HECW2: variants seen among roughly 807,000 people sequenced by gnomAD.
HECW2 encodes the protein HECT, C2 and WW domain containing E3 ubiquitin protein ligase 2, also known as E3 ubiquitin-protein ligase HECW2.
HECW2 carries 61 observed loss-of-function variants against 175.2 expected under a neutral mutation model. The ratio of observed to expected loss-of-function variants is 0.35; its 90% CI spans 0.28 to 0.43. The LOEUF (loss-of-function observed/expected upper bound fraction) is 0.43. Among genes scored for constraint, HECW2 ranks in the 20% least tolerant of loss-of-function variants. HECW2 has a pLI of 1.00. For synonymous variants in HECW2, 671 were observed against 731.0 expected (o/e 0.92, Z 1.32); for missense variants, 1,524 against 2,000.5 (o/e 0.76, Z 4.54).
intron 5 of HECW2, 47 bp downstream of exon 5, chr2:196,329,528 A>T: frequency 6.7e-7 from 1 of 1,502,262 alleles, no homozygotes; most frequent in Non-Finnish European, 9.3e-7. Context: ...CATACCTTCG[A>T]AACTGTACAC....
At chr2:196,337,588 A>T (rs1010858224) in intron 3 of HECW2, among the ~76,000 whole-genome samples, 3 of 150,660 alleles carry the variant, frequency 2.0e-5, no homozygotes, top group African/African-American at 4.9e-5. Context: ...TATATATATA[A>T]AATATATATT....
intron 2 of HECW2, among the ~76,000 whole-genome samples, chr2:196,362,608 T>C (rs7598234): frequency 0.014 from 2,152 of 152,344 alleles, 57 homozygotes; most frequent in African/African-American, 0.049. Flanking sequence ...CTAAAGCTTT[T>C]TCAAACGTAA....
intron 1 of HECW2, among the ~76,000 whole-genome samples, chr2:196,461,023 G>C (rs972315245): frequency 6.6e-6 from 1 of 152,070 alleles, no homozygotes; most frequent in African/African-American, 2.4e-5. Context: ...TAATGATGAT[G>C]TTGGCCCAAC....
chr2:196,292,467 A>G, intron 14 of HECW2, 98 bp downstream of exon 14: 2 of 997,764 alleles, frequency 2.0e-6, no homozygotes, highest in Non-Finnish European at 3.0e-6. Flanking sequence ...TCACCTCACA[A>G]AGAGCCTTGG....
chr2:196,448,888 A>G (rs1299660736), intron 1 of HECW2, among the ~76,000 whole-genome samples: 1 of 152,140 alleles, frequency 6.6e-6, no homozygotes, highest in Non-Finnish European at 1.5e-5. Context: ...TACAAATCAC[A>G]TCCTTTTTGC....
At chr2:196,590,329 C>G (rs1559191926) in intron 1 of HECW2, among the ~76,000 whole-genome samples, 1 of 152,246 alleles carries the variant, frequency 6.6e-6, no homozygotes, top group Non-Finnish European at 1.5e-5. Context: ...GAAGCAACCT[C>G]TGCCTCTGTT....
chr2:196,576,085 A>C (rs1160122076), intron 1 of HECW2, among the ~76,000 whole-genome samples: 1 of 152,128 alleles, frequency 6.6e-6, no homozygotes, highest in Non-Finnish European at 1.5e-5. Context: ...TATTTTTACT[A>C]TACCTTTTCA....
intron 1 of HECW2, among the ~76,000 whole-genome samples, chr2:196,560,965 T>G (rs1454688752): frequency 6.6e-6 from 1 of 152,138 alleles, no homozygotes; most frequent in Admixed American, 6.5e-5. Flanking sequence ...CATGTGTGTT[T>G]GAACAATATG....
chr2:196,537,699 T>G (rs1262400649), intron 1 of HECW2, among the ~76,000 whole-genome samples: 1 of 152,104 alleles, frequency 6.6e-6, no homozygotes, highest in African/African-American at 2.4e-5. Flanking sequence ...ATGTTTATGG[T>G]TAAGGGAACA....
intron 1 of HECW2, among the ~76,000 whole-genome samples, chr2:196,556,461 C>T (rs1297993288): frequency 1.3e-5 from 2 of 152,144 alleles, no homozygotes; most frequent in Admixed American, 6.5e-5. Context: ...CTCCCGTTCC[C>T]GACCCTTCTA....
chr2:196,454,732 C>T lies in HECW2; in HGVS notation c.-35-21274G>A, dbSNP rs1208654765. ...AGCTTAGTGGATAAAAGTATAGGTT[C>T]TAGAACTAGAATTTTATAGCTGAGT... On this transcript the variant is annotated intron_variant, in intron 1 of 28. Transcript: ENST00000644978. 2.0e-5 allele frequency among the ~76,000 whole-genome samples: 3 copies of T among 152,148 alleles called. No individual in the cohort carries two copies. The East Asian group carries it at 5.8e-4, about 29-fold the overall frequency.
chr2:196,229,622 T>C (rs1223808976), intron 21 of HECW2, among the ~76,000 whole-genome samples: 2 of 152,118 alleles, frequency 1.3e-5, no homozygotes, highest in Non-Finnish European at 2.9e-5. Context: ...TGAGGCTGCG[T>C]GAGCTATGAT....
At chr2:196,275,065 T>C (rs1197968067) in intron 15 of HECW2, among the ~76,000 whole-genome samples, 1 of 152,178 alleles carries the variant, frequency 6.6e-6, no homozygotes, top group African/African-American at 2.4e-5. Context: ...TTGCTGAGGA[T>C]TTTTCTAAAG....
chr2:196,522,678 G>C lies in HECW2; in HGVS notation c.-36+70830C>G, dbSNP rs528311927. 1.7e-4 allele frequency among the ~76,000 whole-genome samples: 26 copies of C among 151,162 alleles called. No individual in the cohort carries two copies. In the South Asian group the frequency reaches 5.5e-3, roughly 32 times the overall value. ...GTATAAGGTGTAAGGAAGGGATCCAGTTTCAGCTTTCTACATATGGCTAGC... is the reference window on the plus strand; with the variant it reads ...GTATAAGGTGTAAGGAAGGGATCCACTTTCAGCTTTCTACATATGGCTAGC... On this transcript the variant is annotated intron_variant, in intron 1 of 28. Coordinates refer to ENST00000644978, the MANE Select transcript of HECW2 (RefSeq NM_001348768.2).
At chr2:196,470,644 T>C (rs1697158396) in intron 1 of HECW2, among the ~76,000 whole-genome samples, 1 of 152,112 alleles carries the variant, frequency 6.6e-6, no homozygotes, top group Non-Finnish European at 1.5e-5. Flanking sequence ...ATGAGTAAGA[T>C]AGGGAAGCAC....
chr2:196,512,279 C>G (rs1354733354), intron 1 of HECW2, among the ~76,000 whole-genome samples: 2 of 152,208 alleles, frequency 1.3e-5, no homozygotes. Context: ...TTTTTAAAGA[C>G]TATACGGGGC....
rs552706840 is a variant in HECW2, at chr2:196,429,719, G to C, written c.292+3413C>G. On this transcript the variant is annotated intron_variant, in intron 2 of 28. Coordinates refer to ENST00000644978, the MANE Select transcript of HECW2 (RefSeq NM_001348768.2). ...GATGGAGGACAATTTCCTGAGTGTA[G>C]AGCAAGAAGCTAGAGTCCATAGCAG... 1.1e-4 allele frequency among the ~76,000 whole-genome samples: 17 copies of C among 152,308 alleles called. No homozygotes were observed. The South Asian group carries it at 1.9e-3, about 17-fold the overall frequency.
chr2:196,499,185 T>C (rs542767303), intron 1 of HECW2, among the ~76,000 whole-genome samples: 18 of 152,302 alleles, frequency 1.2e-4, no homozygotes, highest in Admixed American at 9.8e-4. Flanking sequence ...GTATTGGCTT[T>C]TTCTGGGCAG....
chr2:196,319,239 C>T lies in HECW2; in HGVS notation c.1651G>A (p.Glu551Lys). 4 of 1,598,966 alleles carry T rather than the reference C, an allele frequency of 2.5e-6. No individual in the cohort carries two copies. The highest frequency in any genetic ancestry group is 3.4e-6 in the Non-Finnish European group (4 of 1,173,072). ...LPAGPAPEEG[E>K]GGPEPQPSAD... is the part of the protein sequence containing the mutation. ...CTGGGTTGAGGCTCTGGGCCGCCTT[C>T]ACCTTCCTCTGGGGCTGGGCCTGCA... is the stretch of plus-strand genomic sequence containing the variant. The change falls in exon 9 of 29, where the codon GAA becomes AAA. Residue 551 changes from glutamate (E) to lysine (K), a missense_variant. Glu to Lys is a moderately conservative substitution (Grantham distance 56). Around this residue, in one of 11 missense-constraint regions of HECW2, gnomAD observed 604 missense variants for 588.3 expected, o/e 1.03. Coordinates refer to ENST00000644978, the MANE Select transcript of HECW2 (RefSeq NM_001348768.2).
Sources: allele counts gnomAD v4.1 joint callset (sites outside exome capture counted in the v4.1 genomes callset), GRCh38; gene constraint gnomAD v4.1.1; regional missense constraint gnomAD v4.1.1; transcripts MANE v1.5; gene names NCBI Gene and HGNC (gene_info 2026-07-23, HGNC 2026-07-21).